The following DESI2 variants were observed in gnomAD, a reference collection of about 807,000 sequenced individuals.
DESI2 encodes desumoylating isopeptidase 2.
Under a neutral mutation model 24.1 loss-of-function variants are expected in DESI2, and 10 were observed. That is an observed-to-expected ratio of 0.41 (90% confidence interval 0.26 to 0.70). The LOEUF is 0.70. Among genes scored for constraint, DESI2 ranks in the 30% least tolerant of loss-of-function variants. The probability of loss-of-function intolerance (pLI) is 0.29; values close to 1 mark genes in which losing one functional copy is unlikely to be tolerated. For missense variants in DESI2, 122 were observed against 234.9 expected, an observed-to-expected ratio of 0.52 and a Z score of 3.14; for synonymous variants, 71 against 87.7, an observed-to-expected ratio of 0.81 and a Z score of 1.06.
chr1:244,670,952 C>G (rs1192596045), intron 1 of DESI2, among the ~76,000 whole-genome samples: 1 of 152,176 alleles, frequency 6.6e-6, no homozygotes. Flanking sequence ...AAGAAACGCT[C>G]TTGGAATCTA....
intron 1 of DESI2, among the ~76,000 whole-genome samples, chr1:244,681,203 A>G (rs1676600022): frequency 1.3e-5 from 2 of 152,136 alleles, no homozygotes; most frequent in African/African-American, 4.8e-5. Context: ...AGGAAGAGAA[A>G]CCAAGATCTG....
At chr1:244,701,447 CAG>C (rs1260016833) in intron 4 of DESI2, among the ~76,000 whole-genome samples, 11 of 152,170 alleles carry the variant, frequency 7.2e-5, no homozygotes, top group Middle Eastern at 6.8e-3. Flanking sequence ...CTGAAAGAGA[CAG>C]AGAGGGGACA....
chr1:244,655,600 C>G (rs1263753715), intron 1 of DESI2, among the ~76,000 whole-genome samples: 1 of 152,098 alleles, frequency 6.6e-6, no homozygotes, highest in African/African-American at 2.4e-5. Flanking sequence ...GGCAACAATT[C>G]AAGACAGAAT....
At chr1:244,656,790 A>T (rs1178587501) in intron 1 of DESI2, among the ~76,000 whole-genome samples, 1 of 152,074 alleles carries the variant, frequency 6.6e-6, no homozygotes, top group Non-Finnish European at 1.5e-5. Context: ...TATTTATTTT[A>T]TTTATTTGTT....
At chr1:244,678,294 A>G (rs1034988625) in intron 1 of DESI2, among the ~76,000 whole-genome samples, 7 of 152,212 alleles carry the variant, frequency 4.6e-5, no homozygotes, top group African/African-American at 1.7e-4. Context: ...ATGTGTCAAA[A>G]TATACCTTTA....
chr1:244,694,460 C>T, intron 4 of DESI2: 1 of 778,674 alleles, frequency 1.3e-6, no homozygotes, highest in Non-Finnish European at 2.3e-6. Context: ...CAGCAGCTGC[C>T]CTCTTGGGTT....
rs1204806506 is a variant in DESI2 at position 244,705,581 on chromosome 1, G to C, written c.377G>C (p.Arg126Pro). The change falls in exon 5 of 5, where the codon CGC (arginine) becomes CCC (proline). Residue 126 changes from arginine (R) to proline (P), a missense_variant. By Grantham distance (103) the Arg-to-Pro change is moderately radical. This residue lies in a region of DESI2 where 12 missense variants were observed against 31.8 expected (regional missense o/e 0.38). Transcript: ENST00000302550. ...SEILCGKEIP[R>P]WINRLAYFSS... ...ATTCTTTGTGGGAAAGAGATTCCTC[G>C]CTGGATCAATCGACTTGCCTACTTC... The C allele has an allele frequency of 7.4e-6, 12 of 1,613,946 alleles. No individual in the cohort carries two copies. The Admixed American group carries it at 2.0e-4, about 27-fold the overall frequency.
At chr1:244,705,462 A>G (rs1273570368) in intron 4 of DESI2, 94 bp from the exon 5 acceptor site, 2 of 1,019,660 alleles carry the variant, frequency 2.0e-6, no homozygotes, top group Non-Finnish European at 3.0e-6. Context: ...GCTTCTCTGT[A>G]CGCCGCCCCC....
At chr1:244,686,562 A>AG (rs757367983) in intron 1 of DESI2, 35 bp from the exon 2 acceptor site, 2 of 1,369,874 alleles carry the variant, frequency 1.5e-6, no homozygotes, top group South Asian at 2.3e-5. Flanking sequence ...GTAAATGAAC[A>AG]GGTATTCTGA....
intron 1 of DESI2, among the ~76,000 whole-genome samples, chr1:244,668,606 C>A (rs964353563): frequency 1.3e-5 from 2 of 152,094 alleles, no homozygotes; most frequent in African/African-American, 4.8e-5. Flanking sequence ...GGAAGTCAGG[C>A]CCAGGCCCTA....
Position 244,705,898 on chromosome 1 carries a change from C to T in DESI2, c.*109C>T, listed in dbSNP as rs1171835858. On this transcript the variant is annotated 3_prime_UTR_variant, in exon 5 of 5. Transcript: ENST00000302550. ...TATTTTGTATGCAAAGATGGCTCTC[C>T]CCCAAATCCCAGTTTTTCAGCTCAG... 5.2e-6 allele frequency: 4 copies of T among 770,942 alleles called. No homozygotes were observed. Among genetic ancestry groups the T allele is most frequent in the Non-Finnish European group, 8.2e-6 (4 of 490,020 alleles). The allele number at this position is 770,942 out of a possible 1,614,324, so 47.8% of individuals were successfully genotyped here.
At position 244,706,147 on chromosome 1, in the gene DESI2, T is replaced by C. The variant is rs1281995048; in HGVS notation, c.*358T>C. On this transcript the variant is annotated 3_prime_UTR_variant, in exon 5 of 5. Transcript: ENST00000302550. ...AGAAAATCTTCATGTCTTCAAAAAT[T>C]AGGCAGGTAATCTTTGTATACTTCT... 4.8e-6 allele frequency: 1 copy of C among 209,448 alleles called. No homozygotes were observed. The highest frequency in any genetic ancestry group is 1.3e-4 in the East Asian group (1 of 7,918). The allele number at this position is 209,448 out of a possible 1,614,324, so 13.0% of individuals were successfully genotyped here. A position where few individuals can be genotyped will look rare whatever the true frequency, so the allele number is the denominator to read the frequency against.
intron 1 of DESI2, among the ~76,000 whole-genome samples, chr1:244,681,099 T>C (rs1280136582): frequency 6.6e-6 from 1 of 152,162 alleles, no homozygotes; most frequent in Non-Finnish European, 1.5e-5. Context: ...TCTATAATCT[T>C]GACATGTGGC....
chr1:244,664,723 A>G (rs758280877), intron 1 of DESI2, among the ~76,000 whole-genome samples: 7 of 152,254 alleles, frequency 4.6e-5, no homozygotes, highest in African/African-American at 1.2e-4. Flanking sequence ...AGGACCAAGC[A>G]TATAAGTTAT....
At chr1:244,693,349 A>G (rs183389638) in intron 4 of DESI2, among the ~76,000 whole-genome samples, 49 of 152,290 alleles carry the variant, frequency 3.2e-4, no homozygotes, top group African/African-American at 1.1e-3. Context: ...TTTGGGGCCC[A>G]AAGAGCAATT....
intron 1 of DESI2, chr1:244,654,001 C>G: frequency 2.1e-6 from 1 of 471,194 alleles, no homozygotes; most frequent in South Asian, 1.5e-5. Flanking sequence ...TGCTCCTTTC[C>G]TACACTCTGA....
At chr1:244,666,453 A>G (rs938795268) in intron 1 of DESI2, among the ~76,000 whole-genome samples, 1 of 152,202 alleles carries the variant, frequency 6.6e-6, no homozygotes, top group Non-Finnish European at 1.5e-5. Context: ...TATATTTTAT[A>G]GTCCCCATTC....
At position 244,653,127 on chromosome 1, in the gene DESI2, G is replaced by C; in HGVS notation, c.-187G>C. ...CCAACGGTCCGGCCCCGTCCGCACAGACGCTCCTGTCGGCGGCGCCCGGGA... is the reference window on the plus strand; with the variant it reads ...CCAACGGTCCGGCCCCGTCCGCACACACGCTCCTGTCGGCGGCGCCCGGGA... On this transcript the variant is annotated 5_prime_UTR_variant, in exon 1 of 5. Transcript: ENST00000302550. 1 of 462,320 alleles carries C rather than the reference G, an allele frequency of 2.2e-6. No individual in the cohort carries two copies. The highest frequency in any genetic ancestry group is 7.1e-5 in the South Asian group (1 of 14,052). The allele number at this position is 462,320 out of a possible 1,614,324, so 28.6% of individuals were successfully genotyped here. A position where few individuals can be genotyped will look rare whatever the true frequency, so the allele number is the denominator to read the frequency against.
intron 4 of DESI2, 53 bp from the exon 5 acceptor site, chr1:244,705,503 A>C: frequency 1.4e-6 from 2 of 1,470,390 alleles, no homozygotes; most frequent in Non-Finnish European, 1.9e-6. Context: ...CTGGCAGTGG[A>C]CCAGGTAATC....
Sources: gnomAD v4.1 joint callset for allele counts (sites outside exome capture counted in the v4.1 genomes callset) on GRCh38, gnomAD v4.1.1 for gene constraint, gnomAD v4.1.1 regional missense constraint, MANE v1.5 for transcripts, NCBI Gene and HGNC (gene_info 2026-07-23, HGNC 2026-07-21) for gene names.